Variants in NPM2 observed in about 807,000 individuals in gnomAD.
The protein encoded by NPM2 is nucleoplasmin-2.
NPM2 carries 25 observed loss-of-function variants against 32.0 expected under a neutral mutation model. The observed-to-expected ratio is 0.78, with a 90% CI of 0.57 to 1.09. The LOEUF (loss-of-function observed/expected upper bound fraction) is 1.09, where lower values mean the gene tolerates loss of function less well. Among genes scored for constraint, NPM2 ranks in the 50% least tolerant of loss-of-function variants. NPM2 has a pLI of 0.00. For synonymous variants in NPM2, 111 were observed against 94.2 expected (o/e 1.18, Z -1.04); for missense variants, 282 against 259.9 (o/e 1.08, Z -0.58).
intron 5 of NPM2, among the ~76,000 whole-genome samples, chr8:22,029,289 A>G (rs1800357439): frequency 6.6e-6 from 1 of 151,974 alleles, no homozygotes; most frequent in African/African-American, 2.4e-5. Context: ...GATTACAGGT[A>G]TGCACCATCA....
rs1800187521 is a variant in NPM2 at position 22,025,044 on chromosome 8, T to G, written c.-33-172T>G. Reference sequence around the variant, plus strand: ...TCGAGCCCCGGGCTGCGCACCCCGCTAGGAGGTGGGTACTCGTCCTCCAGG... The same window carrying G: ...TCGAGCCCCGGGCTGCGCACCCCGCGAGGAGGTGGGTACTCGTCCTCCAGG... On this transcript the variant is annotated intron_variant, in intron 2 of 9. Coordinates refer to ENST00000518119, the MANE Select transcript of NPM2 (RefSeq NM_001286680.2). The G allele has an allele frequency of 5.3e-6, 3 of 571,254 alleles. No individual in the cohort carries two copies. In the South Asian group the frequency reaches 7.0e-5, roughly 13 times the overall value. The allele number at this position is 571,254 out of a possible 1,614,324, so 35.4% of individuals were successfully genotyped here. A position where few individuals can be genotyped will look rare whatever the true frequency, so the allele number is the denominator to read the frequency against.
intron 4 of NPM2, 44 bp from the exon 5 acceptor site, chr8:22,025,603 G>A: frequency 6.2e-7 from 1 of 1,613,952 alleles, no homozygotes; most frequent in Non-Finnish European, 8.5e-7. Flanking sequence ...TTCTCCCGTC[G>A]GCCCTCAGGG....
chr8:22,036,593 A>G, intron 9 of NPM2, 45 bp from the exon 10 acceptor site: 1 of 1,558,088 alleles, frequency 6.4e-7, no homozygotes, highest in Non-Finnish European at 8.7e-7. Context: ...GCTGCCTGGT[A>G]TGGAGAAGGG....
chr8:22,029,698 G>C (rs1375179193), intron 5 of NPM2, among the ~76,000 whole-genome samples: 1 of 152,092 alleles, frequency 6.6e-6, no homozygotes, highest in African/African-American at 2.4e-5. Flanking sequence ...GCTTTGTCTG[G>C]AAATATCATG....
intron 5 of NPM2, among the ~76,000 whole-genome samples, chr8:22,027,537 C>T (rs993343773): frequency 1.3e-5 from 2 of 152,000 alleles, no homozygotes; most frequent in Admixed American, 1.3e-4. Flanking sequence ...CTAATCCACC[C>T]GCCTCCCCTT....
chr8:22,028,042 C>T (rs528400146), intron 5 of NPM2, among the ~76,000 whole-genome samples: 195 of 152,258 alleles, frequency 1.3e-3, no homozygotes, highest in Non-Finnish European at 2.4e-3. Flanking sequence ...GCCTGTGGCT[C>T]CATTTTAATT....
At chr8:22,026,200 C>T (rs960477290) in intron 5 of NPM2, among the ~76,000 whole-genome samples, 2 of 152,034 alleles carry the variant, frequency 1.3e-5, no homozygotes, top group African/African-American at 4.8e-5. Flanking sequence ...TTATGAGAAT[C>T]GAATGCCTGA....
At chr8:22,030,825 C>T (rs774762520) in intron 5 of NPM2, among the ~76,000 whole-genome samples, 8 of 152,202 alleles carry the variant, frequency 5.3e-5, no homozygotes, top group South Asian at 2.1e-4. Context: ...GGGCTACAGG[C>T]GTGCACCAAC....
chr8:22,029,297 T>C (rs951293317), intron 5 of NPM2, among the ~76,000 whole-genome samples: 2 of 151,970 alleles, frequency 1.3e-5, no homozygotes, highest in East Asian at 3.9e-4. Context: ...GTATGCACCA[T>C]CATGCCCAGC....
rs182609283 is a variant in NPM2, at chr8:22,030,821, C to T, written c.271-2309C>T. Reference sequence around the variant, plus strand: ...CAGCCCCCCCGAGTAGCCTGGGCTACAGGCGTGCACCAACACACCCAGCTT... The same window carrying T: ...CAGCCCCCCCGAGTAGCCTGGGCTATAGGCGTGCACCAACACACCCAGCTT... On this transcript the variant is annotated intron_variant, in intron 5 of 9. Transcript: ENST00000518119. 2.0e-5 allele frequency among the ~76,000 whole-genome samples: 3 copies of T among 152,216 alleles called. No homozygotes were observed. In the East Asian group the frequency reaches 5.8e-4, roughly 29 times the overall value.
chr8:22,031,051 C>T (rs940376272), intron 5 of NPM2, among the ~76,000 whole-genome samples: 2 of 152,156 alleles, frequency 1.3e-5, no homozygotes, highest in Non-Finnish European at 1.5e-5. Flanking sequence ...AGAGTGGTTT[C>T]GTGTTTGCTT....
intron 5 of NPM2, among the ~76,000 whole-genome samples, chr8:22,030,793 C>T (rs1243219392): frequency 1.3e-5 from 2 of 152,140 alleles, no homozygotes; most frequent in African/African-American, 4.8e-5. Context: ...GATCTTCCGG[C>T]CTCAGCCCCC....
rs1800556224 is a variant in NPM2, at chr8:22,034,548, A to G, written c.566+4A>G. ...AAAAAGAAGAAGAGGAAATAAGGTA[A>G]CTCTTTCTACCTATTAAATTAGCCA... On this transcript the variant is annotated splice_donor_region_variant and intron_variant, in intron 8 of 9. Coordinates refer to ENST00000518119, the MANE Select transcript of NPM2 (RefSeq NM_001286680.2). 1 of 1,606,654 alleles carries G rather than the reference A, an allele frequency of 6.2e-7. No homozygotes were observed. The highest frequency in any genetic ancestry group is 1.3e-5 in the African/African-American group (1 of 74,598).
intron 6 of NPM2, among the ~76,000 whole-genome samples, chr8:22,033,757 C>T (rs987168985): frequency 1.2e-4 from 18 of 152,146 alleles, no homozygotes; most frequent in African/African-American, 4.3e-4. Context: ...TAGATTCTTT[C>T]CCCCTCTCCT....
At chr8:22,036,552 C>T (rs545393175) in intron 9 of NPM2, 26 bp downstream of exon 9, 4 of 1,587,402 alleles carry the variant, frequency 2.5e-6, no homozygotes, top group Admixed American at 1.8e-5. Context: ...GGGCTTTGGC[C>T]CTTGGGACAG....
At position 22,026,369 on chromosome 8, in the gene NPM2, T is replaced by C. The variant is rs555174025; in HGVS notation, c.270+597T>C. 1.5e-4 allele frequency among the ~76,000 whole-genome samples: 23 copies of C among 152,264 alleles called. No individual in the cohort carries two copies. The South Asian group carries it at 4.3e-3, about 29-fold the overall frequency. On this transcript the variant is annotated intron_variant, in intron 5 of 9. Coordinates refer to ENST00000518119, the MANE Select transcript of NPM2 (RefSeq NM_001286680.2). ...GACAGGAACATGGTCGATCTACATA[T>C]TGGTTGTGCATCCAGAAATTCTCTA...
At chr8:22,029,187 C>T (rs1019801993) in intron 5 of NPM2, among the ~76,000 whole-genome samples, 1 of 152,142 alleles carries the variant, frequency 6.6e-6, no homozygotes, top group African/African-American at 2.4e-5. Context: ...GTTTCCCAGG[C>T]TAGAGTGCAG....
chr8:22,031,170 G>T (rs932360907), intron 5 of NPM2, among the ~76,000 whole-genome samples: 2 of 152,164 alleles, frequency 1.3e-5, no homozygotes, highest in Admixed American at 6.5e-5. Flanking sequence ...GTACAGCTAT[G>T]GGGTATGGGC....
chr8:22,033,285 A>T (rs750732846), intron 6 of NPM2, 62 bp downstream of exon 6: 40 of 1,238,012 alleles, frequency 3.2e-5, no homozygotes, highest in African/African-American at 4.4e-5. Flanking sequence ...GGCTCGGGAC[A>T]TACTAGCTAC....
Sources: allele counts gnomAD v4.1 joint callset (sites outside exome capture counted in the v4.1 genomes callset), GRCh38; gene constraint gnomAD v4.1.1; transcripts MANE v1.5; gene names NCBI Gene and HGNC (gene_info 2026-07-23, HGNC 2026-07-21).